Variants in MAGI2 observed in about 807,000 individuals in gnomAD.
MAGI2 encodes the protein membrane associated guanylate kinase, WW and PDZ domain containing 2, also known as membrane-associated guanylate kinase, WW and PDZ domain-containing protein 2.
MAGI2 carries 35 observed loss-of-function variants against 133.3 expected under a neutral mutation model. The observed-to-expected ratio is 0.26, with a 90% CI of 0.20 to 0.35. The LOEUF is 0.35. MAGI2 is among the 10% of genes least tolerant of loss of function. The probability of loss-of-function intolerance (pLI) is 1.00; values close to 1 mark genes in which losing one functional copy is unlikely to be tolerated. For synonymous variants in MAGI2, 729 were observed against 710.6 expected (o/e 1.03, Z -0.41); for missense variants, 1,636 against 1,863.4 (o/e 0.88, Z 2.25).
At chr7:78,070,412 G>A (rs1040989597) in intron 21 of MAGI2, among the ~76,000 whole-genome samples, 6 of 147,550 alleles carry the variant, frequency 4.1e-5, no homozygotes, top group Non-Finnish European at 5.9e-5. Context: ...CCCTATGTGT[G>A]TGTGTATATA....
chr7:79,433,375 C>A (rs915374999), intron 1 of MAGI2, among the ~76,000 whole-genome samples: 2 of 151,930 alleles, frequency 1.3e-5, no homozygotes, highest in Non-Finnish European at 2.9e-5. Context: ...CACGGTGAAA[C>A]CCCTGTCTCT....
chr7:78,829,749 A>G (rs1193365414), intron 2 of MAGI2, among the ~76,000 whole-genome samples: 1 of 152,120 alleles, frequency 6.6e-6, no homozygotes, highest in African/African-American at 2.4e-5. Context: ...CTTTTTTGAC[A>G]TTTGAAGATT....
At chr7:79,448,434 C>G (rs1338203433) in intron 1 of MAGI2, among the ~76,000 whole-genome samples, 1 of 151,950 alleles carries the variant, frequency 6.6e-6, no homozygotes, top group African/African-American at 2.4e-5. Flanking sequence ...TCAAAATGAC[C>G]AATATGTTTG....
At chr7:79,316,073 T>A (rs1473367320) in intron 1 of MAGI2, among the ~76,000 whole-genome samples, 1 of 151,988 alleles carries the variant, frequency 6.6e-6, no homozygotes, top group Non-Finnish European at 1.5e-5. Context: ...GAGGATTAAA[T>A]GTAAATATAA....
chr7:78,514,086 C>CAAAAA lies in MAGI2; in HGVS notation c.754+7339_754+7343dup, dbSNP rs67534111. Among the ~76,000 whole-genome samples, 10 of 47,196 alleles carry CAAAAA rather than the reference C, an allele frequency of 2.1e-4. 1 individual carries two copies. Among genetic ancestry groups the CAAAAA allele is most frequent in the Admixed American group, 6.4e-4 (2 of 3,126 alleles). 31.0% of individuals were successfully genotyped at this position (47,196 alleles called of 152,430 possible). On this transcript the variant is annotated intron_variant, in intron 4 of 21. Coordinates refer to ENST00000354212, the MANE Select transcript of MAGI2 (RefSeq NM_012301.4). The stretch of plus-strand genomic sequence containing the variant: ...CTGGGCAACAAGAGTGAAACTGTCT[C>CAAAAA]AAAAAAAAAAAAAAAAAAAAAAAAA...
intron 10 of MAGI2, among the ~76,000 whole-genome samples, chr7:78,243,064 C>G (rs1791327474): frequency 6.6e-6 from 1 of 151,552 alleles, no homozygotes; most frequent in Admixed American, 6.6e-5. Flanking sequence ...AGAGTGAGAC[C>G]CTGTCTCAAA....
chr7:79,291,865 T>A (rs1412440567), intron 1 of MAGI2, among the ~76,000 whole-genome samples: 1 of 152,180 alleles, frequency 6.6e-6, no homozygotes, highest in African/African-American at 2.4e-5. Context: ...TTCTGTGAAC[T>A]GTCATTCATT....
At chr7:78,113,343 T>C (rs564540265) in intron 20 of MAGI2, among the ~76,000 whole-genome samples, 128 of 152,266 alleles carry the variant, frequency 8.4e-4, no homozygotes, top group African/African-American at 3.0e-3. Context: ...AGTTGATTTG[T>C]ATTTGAAAGC....
At chr7:78,530,885 T>A (rs1797411382) in intron 3 of MAGI2, among the ~76,000 whole-genome samples, 1 of 152,204 alleles carries the variant, frequency 6.6e-6, no homozygotes, top group Admixed American at 6.5e-5. Context: ...GCATTTTAAT[T>A]AGAGTTAAAA....
chr7:78,652,485 C>A (rs914004135), intron 2 of MAGI2, among the ~76,000 whole-genome samples: 1 of 152,110 alleles, frequency 6.6e-6, no homozygotes, highest in Non-Finnish European at 1.5e-5. Context: ...CATCTAAAAC[C>A]ATCTGATCCT....
intron 6 of MAGI2, among the ~76,000 whole-genome samples, chr7:78,420,565 G>A (rs960993541): frequency 1.4e-4 from 15 of 109,746 alleles, no homozygotes; most frequent in African/African-American, 4.4e-4. Context: ...TTTTTTTTTT[G>A]CCTTTTCTGA....
chr7:79,251,473 C>T (rs1251392705), intron 1 of MAGI2, among the ~76,000 whole-genome samples: 1 of 151,932 alleles, frequency 6.6e-6, no homozygotes, highest in Non-Finnish European at 1.5e-5. Flanking sequence ...AAATGGCAAA[C>T]AGCCATAAGA....
At chr7:78,202,472 C>G (rs112628594) in intron 10 of MAGI2, among the ~76,000 whole-genome samples, 2,299 of 151,966 alleles carry the variant, frequency 0.015, 29 homozygotes, top group Non-Finnish European at 0.025. Flanking sequence ...TACCCAAGGT[C>G]GGGAGTTTGA....
At chr7:78,056,385 A>T (rs1485526876) in intron 21 of MAGI2, among the ~76,000 whole-genome samples, 1 of 152,236 alleles carries the variant, frequency 6.6e-6, no homozygotes, top group African/African-American at 2.4e-5. Flanking sequence ...TTACTGCAGC[A>T]CTATTTACAA....
chr7:79,426,289 C>T (rs896917468), intron 1 of MAGI2, among the ~76,000 whole-genome samples: 4 of 151,948 alleles, frequency 2.6e-5, no homozygotes, highest in Non-Finnish European at 5.9e-5. Context: ...TTGACTAAAT[C>T]ACATTCTCCT....
intron 1 of MAGI2, among the ~76,000 whole-genome samples, chr7:79,045,765 C>G (rs1812118954): frequency 6.6e-6 from 1 of 152,110 alleles, no homozygotes; most frequent in Non-Finnish European, 1.5e-5. Context: ...GCACTCCAGC[C>G]TGGGTGAAAG....
At chr7:78,464,906 T>G (rs1383432225) in intron 6 of MAGI2, among the ~76,000 whole-genome samples, 1 of 152,148 alleles carries the variant, frequency 6.6e-6, no homozygotes, top group Non-Finnish European at 1.5e-5. Flanking sequence ...CTAAGAATAT[T>G]AATACCATTG....
chr7:78,443,074 G>A (rs949140773), intron 6 of MAGI2, among the ~76,000 whole-genome samples: 1 of 147,998 alleles, frequency 6.8e-6, no homozygotes, highest in African/African-American at 2.5e-5. Context: ...CAGTAAGCAT[G>A]TGGCCCTGTG....
chr7:78,561,258 T>C lies in MAGI2; in HGVS notation c.539-39613A>G, dbSNP rs1056725873. ...TGGGCTCACGAGACAGATGAATTAG[T>C]GTTTGTTCTAGCAAGTACAAGATTC... On this transcript the variant is annotated intron_variant, in intron 3 of 21. Transcript: ENST00000354212. 2.6e-5 allele frequency among the ~76,000 whole-genome samples: 4 copies of C among 152,260 alleles called. No homozygotes were observed. In the South Asian group the frequency reaches 8.3e-4, roughly 32 times the overall value.
Sources: allele counts gnomAD v4.1 joint callset (sites outside exome capture counted in the v4.1 genomes callset), GRCh38; gene constraint gnomAD v4.1.1; transcripts MANE v1.5; gene names NCBI Gene and HGNC (gene_info 2026-07-23, HGNC 2026-07-21).